TMPRSS6: variants seen among roughly 807,000 people sequenced by gnomAD.
TMPRSS6 encodes transmembrane protease serine 6.
In TMPRSS6, 67 loss-of-function variants were observed where a neutral mutation model predicts 101.5. The ratio of observed to expected loss-of-function variants is 0.66; its 90% confidence interval spans 0.54 to 0.81. The LOEUF (loss-of-function observed/expected upper bound fraction) is 0.81. Ranked by LOEUF, TMPRSS6 falls within the 30% of genes least tolerant of loss-of-function variation. The probability of loss-of-function intolerance (pLI) is 0.00; values close to 1 mark genes in which losing one functional copy is unlikely to be tolerated. For missense variants in TMPRSS6, 1,034 were observed against 1,088.7 expected (o/e 0.95, Z 0.71); for synonymous variants, 453 against 464.9 (o/e 0.97, Z 0.33).
At chr22:37,079,918 C>T (rs979276809) in intron 10 of TMPRSS6, 3 of 152,322 alleles carry the variant, frequency 2.0e-5, no homozygotes, top group Non-Finnish European at 4.4e-5. Context: ...CTCCGGAGAA[C>T]ACAAGGGCCA....
chr22:37,083,707 G>A (rs1928441729), intron 10 of TMPRSS6, among the ~76,000 whole-genome samples: 1 of 152,218 alleles, frequency 6.6e-6, no homozygotes, highest in African/African-American at 2.4e-5. Context: ...TCACATCTCT[G>A]TAAGGACTCA....
rs1042110640 is a variant in TMPRSS6, at chr22:37,073,708, C to T, written c.1442-63G>A. ...GCCAGAGGAGCCAGCCGGGGCTTGG[C>T]GATGCCTGTAGAAGGTGTGCTGTAT... On this transcript the variant is annotated intron_variant, in intron 12 of 17. Transcript: ENST00000676104. The T allele has an allele frequency of 3.5e-5, 37 of 1,042,468 alleles. No homozygotes were observed. In the African/African-American group the frequency reaches 3.9e-4, roughly 11 times the overall value. 64.6% of individuals were successfully genotyped at this position (1,042,468 alleles called of 1,614,324 possible). A position where few individuals can be genotyped will look rare whatever the true frequency, so the allele number is the denominator to read the frequency against.
At chr22:37,081,673 G>A (rs181620771) in intron 10 of TMPRSS6, among the ~76,000 whole-genome samples, 10 of 152,242 alleles carry the variant, frequency 6.6e-5, no homozygotes, top group African/African-American at 2.2e-4. Context: ...GGGGGCACAG[G>A]GAGCTGTCAG....
chr22:37,096,339 C>G (rs1569021937), intron 4 of TMPRSS6, among the ~76,000 whole-genome samples: 1 of 152,208 alleles, frequency 6.6e-6, no homozygotes, highest in South Asian at 2.1e-4. Flanking sequence ...CAGATGTGGA[C>G]GGGGCAGTCG....
chr22:37,081,198 G>T (rs188132191), intron 10 of TMPRSS6, among the ~76,000 whole-genome samples: 5 of 152,232 alleles, frequency 3.3e-5, no homozygotes, highest in African/African-American at 1.2e-4. Flanking sequence ...AGTGAGAGCC[G>T]GTGATGAACG....
In TMPRSS6 at chr22:37,065,999, A is replaced by C; in HGVS notation, c.*81T>G. The C allele has an allele frequency of 1.8e-5, 27 of 1,483,486 alleles. No individual in the cohort carries two copies. The highest frequency in any genetic ancestry group is 2.4e-5 in the East Asian group (1 of 41,122). 91.9% of individuals were successfully genotyped at this position (1,483,486 alleles called of 1,614,324 possible). A position where few individuals can be genotyped will look rare whatever the true frequency, so the allele number is the denominator to read the frequency against. ...TGCTCTCTCCCCCACCCCCCGCCAG[A>C]ATACTTGTCCCCCTGCTTGGCAGTT... On this transcript the variant is annotated 3_prime_UTR_variant, in exon 18 of 18. Coordinates refer to ENST00000676104, the MANE Select transcript of TMPRSS6 (RefSeq NM_001374504.1).
intron 11 of TMPRSS6, 64 bp downstream of exon 11, chr22:37,075,071 G>A: frequency 6.2e-7 from 1 of 1,611,552 alleles, no homozygotes; most frequent in Non-Finnish European, 8.5e-7. Context: ...CCCCTTGGTG[G>A]TTCCAGGGAT....
Position 37,069,182 on chromosome 22 carries a change from C to T in TMPRSS6, c.2004G>A (p.Pro668=), listed in dbSNP as rs565997258. The part of the protein sequence containing the change: ...YDVALLQLDH[P]VVRSAAVRPV... Reference sequence around the variant, plus strand: ...GGCGCACGGCGGCCGAGCGCACCACCGGGTGGTCGAGCTGCAGCAGCGCCA... The same window carrying T: ...GGCGCACGGCGGCCGAGCGCACCACTGGGTGGTCGAGCTGCAGCAGCGCCA... Residue 668 remains proline, a synonymous_variant, in exon 16 of 18, where the codon CCG becomes CCA. Transcript: ENST00000676104. The surrounding 1 kb of genome is among the most constrained non-coding windows in gnomAD (Gnocchi z 4.8). The T allele has an allele frequency of 3.8e-6, 6 of 1,594,228 alleles. No individual in the cohort carries two copies. The African/African-American group carries it at 4.0e-5, about 11-fold the overall frequency.
intron 6 of TMPRSS6, among the ~76,000 whole-genome samples, chr22:37,094,059 C>A (rs1929517223): frequency 6.6e-6 from 1 of 151,922 alleles, no homozygotes; most frequent in African/African-American, 2.4e-5. Context: ...ATGGGCTATA[C>A]AAAATCAGGC....
At chr22:37,076,621 G>A (rs571407244) in intron 10 of TMPRSS6, among the ~76,000 whole-genome samples, 2 of 152,156 alleles carry the variant, frequency 1.3e-5, no homozygotes, top group African/African-American at 2.4e-5. Flanking sequence ...AGTGGGCAGC[G>A]GCATGACTTC....
rs1317470634 is a variant in TMPRSS6 at position 37,095,972 on chromosome 22, T to C, written c.523A>G (p.Asn175Asp). The change falls in exon 5 of 18, where the codon AAC becomes GAC. Residue 175 changes from asparagine to aspartate, a missense_variant. Coordinates refer to ENST00000676104, the MANE Select transcript of TMPRSS6 (RefSeq NM_001374504.1). ...CTGTAGGGGACGGCAGCCGAGCTGT[T>C]GACTGTGGACAGCAGCTCCTCCACC... ...LLVEELLSTVNSSAAVPYRAE... is the reference protein window; with the variant it reads ...LLVEELLSTVDSSAAVPYRAE... The C allele has an allele frequency of 2.0e-5, 33 of 1,614,196 alleles. No homozygotes were observed. Among genetic ancestry groups the C allele is most frequent in the Non-Finnish European group, 2.7e-5 (32 of 1,180,040 alleles).
chr22:37,098,659 TG>T, intron 2 of TMPRSS6, 110 bp from the exon 3 acceptor site: 1 of 1,398,964 alleles, frequency 7.1e-7, no homozygotes, highest in Non-Finnish European at 1.0e-6. Context: ...CTCAGTGTCT[TG>T]GGTCTCCATG....
intron 13 of TMPRSS6, among the ~76,000 whole-genome samples, chr22:37,072,923 G>A (rs2146053238): frequency 6.6e-6 from 1 of 150,464 alleles, no homozygotes; most frequent in East Asian, 2.0e-4. Context: ...ATGATGTATG[G>A]ATGGATGATG....
chr22:37,090,952 C>A (rs1047109120), intron 6 of TMPRSS6, among the ~76,000 whole-genome samples: 1 of 152,186 alleles, frequency 6.6e-6, no homozygotes, highest in Non-Finnish European at 1.5e-5. Flanking sequence ...GCCCATCTCA[C>A]GGCTGCCTCA....
chr22:37,065,820 GGAGA>G lies in TMPRSS6; in HGVS notation c.*256_*259del, dbSNP rs758419494. The G allele has an allele frequency of 1.8e-6, 1 of 554,714 alleles. No individual in the cohort carries two copies. Among genetic ancestry groups the G allele is most frequent in the Non-Finnish European group, 3.3e-6 (1 of 307,224 alleles). 34.4% of individuals were successfully genotyped at this position (554,714 alleles called of 1,614,324 possible). ...GGCAGCAGTGGAGGAAGGGGACGGAGGAGAGAGAATTGGGAGGCAGAAGGGCTGG... is the reference window on the plus strand; with the variant it reads ...GGCAGCAGTGGAGGAAGGGGACGGAGGAGAATTGGGAGGCAGAAGGGCTGG... On this transcript the variant is annotated 3_prime_UTR_variant, in exon 18 of 18. Transcript: ENST00000676104.
intron 9 of TMPRSS6, 141 bp downstream of exon 9, chr22:37,084,586 C>T (rs1928542739): frequency 1.2e-6 from 1 of 852,782 alleles, no homozygotes; most frequent in Non-Finnish European, 1.9e-6. Flanking sequence ...GCCCTCTCCA[C>T]CCTGGCAGGA....
chr22:37,099,690 G>A (rs1237011847), intron 2 of TMPRSS6, among the ~76,000 whole-genome samples: 1 of 152,194 alleles, frequency 6.6e-6, no homozygotes, highest in Non-Finnish European at 1.5e-5. Flanking sequence ...GTTAGAGGTG[G>A]TCAGTGCGGT....
intron 6 of TMPRSS6, among the ~76,000 whole-genome samples, chr22:37,093,770 C>A (rs1929488419): frequency 6.6e-6 from 1 of 151,540 alleles, no homozygotes; most frequent in Non-Finnish European, 1.5e-5. Flanking sequence ...CACCTGTAAT[C>A]CCAGCACTTT....
intron 6 of TMPRSS6, among the ~76,000 whole-genome samples, chr22:37,091,776 T>C (rs1281523392): frequency 1.3e-5 from 2 of 152,222 alleles, no homozygotes; most frequent in Admixed American, 1.3e-4. Flanking sequence ...TTCCAAGTTC[T>C]GTCAAATGGA....
Sources: gnomAD v4.1 joint callset for allele counts (sites outside exome capture counted in the v4.1 genomes callset) on GRCh38, gnomAD v4.1.1 for gene constraint, Gnocchi (gnomAD v3.1) non-coding constraint, MANE v1.5 for transcripts, NCBI Gene and HGNC (gene_info 2026-07-23, HGNC 2026-07-21) for gene names.